UBXN7: variants seen among roughly 807,000 people sequenced by gnomAD.
The protein encoded by UBXN7 is UBX domain-containing protein 7.
Under a neutral mutation model 58.0 loss-of-function variants are expected in UBXN7, and 9 were observed. The ratio of observed to expected loss-of-function variants is 0.16; its 90% confidence interval spans 0.09 to 0.27. The LOEUF is 0.27. Among genes scored for constraint, UBXN7 ranks in the 10% least tolerant of loss-of-function variants. The probability of loss-of-function intolerance (pLI) is 1.00; values close to 1 mark genes in which losing one functional copy is unlikely to be tolerated. For missense variants in UBXN7, 328 were observed against 599.6 expected, an observed-to-expected ratio of 0.55 and a Z score of 4.73; for synonymous variants, 208 against 205.0, an observed-to-expected ratio of 1.01 and a Z score of -0.12.
At chr3:196,427,297 C>T (rs953297040) in intron 1 of UBXN7, among the ~76,000 whole-genome samples, 1 of 152,134 alleles carries the variant, frequency 6.6e-6, no homozygotes, top group Non-Finnish European at 1.5e-5. Context: ...GACAGGGTCT[C>T]GCTCTGTGCT....
intron 7 of UBXN7, among the ~76,000 whole-genome samples, chr3:196,368,572 C>T (rs1728731940): frequency 6.6e-6 from 1 of 152,152 alleles, no homozygotes; most frequent in Non-Finnish European, 1.5e-5. Flanking sequence ...CCAGCTTATG[C>T]TACATAGTGT....
At chr3:196,380,318 T>C (rs1729163863) in intron 5 of UBXN7, among the ~76,000 whole-genome samples, 2 of 151,452 alleles carry the variant, frequency 1.3e-5, no homozygotes, top group South Asian at 4.2e-4. Context: ...CAGAGGAGCC[T>C]TCCATGCTGT....
intron 2 of UBXN7, among the ~76,000 whole-genome samples, chr3:196,405,561 A>AGT (rs150829704): frequency 0.014 from 2,080 of 150,666 alleles, 25 homozygotes; most frequent in African/African-American, 0.037. Context: ...CTCGCTTTAC[A>AGT]GTGTGTGTGT....
intron 1 of UBXN7, among the ~76,000 whole-genome samples, chr3:196,421,349 A>C (rs925264561): frequency 1.3e-5 from 2 of 152,210 alleles, no homozygotes; most frequent in Non-Finnish European, 2.9e-5. Context: ...TAGACCAGCT[A>C]TCTCTTACTA....
chr3:196,402,078 G>A (rs2108852250), intron 3 of UBXN7, among the ~76,000 whole-genome samples: 1 of 152,284 alleles, frequency 6.6e-6, no homozygotes, highest in South Asian at 2.1e-4. Flanking sequence ...CTGGAGTGCA[G>A]TGGCAGTATC....
intron 5 of UBXN7, among the ~76,000 whole-genome samples, chr3:196,381,174 C>T (rs1353090997): frequency 6.6e-6 from 1 of 152,224 alleles, no homozygotes; most frequent in African/African-American, 2.4e-5. Context: ...CAGATGGCCT[C>T]CTCAAGTGGG....
chr3:196,368,855 C>T (rs1446536751), intron 7 of UBXN7, among the ~76,000 whole-genome samples: 2 of 152,142 alleles, frequency 1.3e-5, no homozygotes, highest in African/African-American at 4.8e-5. Context: ...TGGAGTCTCA[C>T]TCTGTTGCCC....
intron 5 of UBXN7, among the ~76,000 whole-genome samples, chr3:196,386,429 CCT>C (rs1460805862): frequency 2.0e-5 from 3 of 150,432 alleles, no homozygotes; most frequent in Non-Finnish European, 4.4e-5. Flanking sequence ...TCAAATTGTC[CCT>C]GTTTGCAGAT....
At chr3:196,392,064 T>C (rs1729600695) in intron 4 of UBXN7, 139 bp from the exon 5 acceptor site, 2 of 549,306 alleles carry the variant, frequency 3.6e-6, no homozygotes, top group East Asian at 3.3e-5. Context: ...AGATCTAATG[T>C]TGACTCTGAA....
At chr3:196,392,599 T>C (rs1021827639) in intron 4 of UBXN7, among the ~76,000 whole-genome samples, 1 of 151,562 alleles carries the variant, frequency 6.6e-6, no homozygotes, top group African/African-American at 2.4e-5. Flanking sequence ...GGTCAGGAGT[T>C]CAAGGCCAGC....
rs1240615694 is a variant in UBXN7 at position 196,352,901 on chromosome 3, A to G, written c.*3784T>C. ...AAGGTAATTGTATCTTTTCTGAAAAATGTTTAAAAAAAGAAAAAATTGTTT... is the reference window on the plus strand; with the variant it reads ...AAGGTAATTGTATCTTTTCTGAAAAGTGTTTAAAAAAAGAAAAAATTGTTT... On this transcript the variant is annotated 3_prime_UTR_variant, in exon 11 of 11. Transcript: ENST00000296328. The surrounding 1 kb of genome is among the most constrained non-coding windows in gnomAD (Gnocchi z 4.1). 6.6e-6 allele frequency: 1 copy of G among 152,190 alleles called. No homozygotes were observed. The highest frequency in any genetic ancestry group is 1.5e-5 in the Non-Finnish European group (1 of 68,022). 9.4% of individuals were successfully genotyped at this position (152,190 alleles called of 1,614,324 possible).
intron 1 of UBXN7, among the ~76,000 whole-genome samples, chr3:196,419,163 G>A (rs1482250084): frequency 1.3e-5 from 2 of 152,104 alleles, no homozygotes; most frequent in African/African-American, 2.4e-5. Flanking sequence ...GGACGTCCCA[G>A]CTACTAGGGA....
At position 196,356,632 on chromosome 3, in the gene UBXN7, T is replaced by G; in HGVS notation, c.*53A>C. The G allele has an allele frequency of 6.5e-7, 1 of 1,542,004 alleles. No individual in the cohort carries two copies. Among genetic ancestry groups the G allele is most frequent in the Non-Finnish European group, 8.7e-7 (1 of 1,152,088 alleles). On this transcript the variant is annotated 3_prime_UTR_variant, in exon 11 of 11. Coordinates refer to ENST00000296328, the MANE Select transcript of UBXN7 (RefSeq NM_015562.2). Reference sequence around the variant, plus strand: ...CAAAATGCATACTTAGTGACATGTATCTCACAGGAAAAGGGAAAAAAGGGG... The same window carrying G: ...CAAAATGCATACTTAGTGACATGTAGCTCACAGGAAAAGGGAAAAAAGGGG...
chr3:196,367,219 T>C (rs1183985596), intron 8 of UBXN7, among the ~76,000 whole-genome samples: 1 of 151,258 alleles, frequency 6.6e-6, no homozygotes, highest in Non-Finnish European at 1.5e-5. Context: ...AAAACAAAAC[T>C]ATTTTTATCC....
intron 1 of UBXN7, 97 bp from the exon 2 acceptor site, chr3:196,407,490 G>A: frequency 6.9e-7 from 1 of 1,442,526 alleles, no homozygotes; most frequent in Non-Finnish European, 9.1e-7. Flanking sequence ...TAAATTAATA[G>A]TATTTTTCCC....
intron 1 of UBXN7, among the ~76,000 whole-genome samples, chr3:196,424,463 T>G (rs1255112852): frequency 7.0e-6 from 1 of 142,948 alleles, no homozygotes; most frequent in East Asian, 2.2e-4. Context: ...AGCAGGAGCA[T>G]AGTTCACTGC....
intron 3 of UBXN7, among the ~76,000 whole-genome samples, chr3:196,401,480 C>T (rs1286718975): frequency 1.3e-5 from 2 of 149,796 alleles, no homozygotes; most frequent in Non-Finnish European, 3.0e-5. Context: ...CTTAGTTTAC[C>T]GATGAAGGCT....
chr3:196,369,215 C>T (rs1459330512), intron 7 of UBXN7, among the ~76,000 whole-genome samples: 1 of 152,146 alleles, frequency 6.6e-6, no homozygotes. Flanking sequence ...ACATAAAATA[C>T]TACCATCTCC....
chr3:196,432,030 C>G, intron 1 of UBXN7: 1 of 545,630 alleles, frequency 1.8e-6, no homozygotes, highest in Non-Finnish European at 3.3e-6. Flanking sequence ...CCCGGGTCCC[C>G]GGGCCGGCGG....
Sources: allele counts gnomAD v4.1 joint callset (sites outside exome capture counted in the v4.1 genomes callset), GRCh38; gene constraint gnomAD v4.1.1; non-coding constraint Gnocchi (gnomAD v3.1); transcripts MANE v1.5; gene names NCBI Gene and HGNC (gene_info 2026-07-23, HGNC 2026-07-21).